PARD3B: variants seen among roughly 807,000 people sequenced by gnomAD.
The protein encoded by PARD3B is partitioning defective 3 homolog B.
PARD3B carries 103 observed loss-of-function variants against 130.2 expected under a neutral mutation model. That is an observed-to-expected ratio of 0.79 (90% CI 0.67 to 0.93). PARD3B has a LOEUF of 0.93. Among genes scored for constraint, PARD3B ranks in the 40% least tolerant of loss-of-function variants. The pLI is 0.00. For missense variants in PARD3B, 1,609 were observed against 1,499.2 expected, an observed-to-expected ratio of 1.07 and a Z score of -1.21; for synonymous variants, 583 against 553.2, an observed-to-expected ratio of 1.05 and a Z score of -0.76.
intron 1 of PARD3B, among the ~76,000 whole-genome samples, chr2:204,624,221 A>G (rs2034404106): frequency 6.6e-6 from 1 of 152,196 alleles, no homozygotes; most frequent in African/African-American, 2.4e-5. Flanking sequence ...ATATTTCTCC[A>G]AAGAAGGACC....
At chr2:204,897,906 AG>A (rs2046700370) in intron 2 of PARD3B, among the ~76,000 whole-genome samples, 1 of 151,896 alleles carries the variant, frequency 6.6e-6, no homozygotes. Context: ...AATACCTGAT[AG>A]GCCTTGGTTG....
At chr2:205,419,201 T>G (rs2046880520) in intron 19 of PARD3B, among the ~76,000 whole-genome samples, 1 of 152,078 alleles carries the variant, frequency 6.6e-6, no homozygotes, top group Non-Finnish European at 1.5e-5. Context: ...GTCTTTCCTG[T>G]GCTGTTCTCG....
intron 3 of PARD3B, among the ~76,000 whole-genome samples, chr2:205,000,359 T>C (rs1431173308): frequency 1.3e-5 from 2 of 152,222 alleles, no homozygotes; most frequent in Non-Finnish European, 2.9e-5. Flanking sequence ...CTGATATTTA[T>C]TGAGTGTGTG....
At chr2:204,746,132 TC>T (rs2040217564) in intron 2 of PARD3B, among the ~76,000 whole-genome samples, 2 of 67,686 alleles carry the variant, frequency 3.0e-5, no homozygotes, top group South Asian at 1.5e-3. Flanking sequence ...CCCTCCCCCC[TC>T]CCCCCACCCT....
chr2:205,002,569 T>C (rs2125284799), intron 3 of PARD3B, among the ~76,000 whole-genome samples: 1 of 152,314 alleles, frequency 6.6e-6, no homozygotes, highest in African/African-American at 2.4e-5. Flanking sequence ...CCACTTCTTA[T>C]CTCTGACCAC....
chr2:205,211,651 T>A (rs1234745996), intron 15 of PARD3B, among the ~76,000 whole-genome samples: 1 of 152,138 alleles, frequency 6.6e-6, no homozygotes, highest in Non-Finnish European at 1.5e-5. Context: ...CCACTTGGTT[T>A]CTAGTGTTCA....
chr2:205,494,721 A>G (rs1406995510), intron 20 of PARD3B, among the ~76,000 whole-genome samples: 1 of 152,214 alleles, frequency 6.6e-6, no homozygotes, highest in Non-Finnish European at 1.5e-5. Flanking sequence ...AACCGCAGCC[A>G]CAGAATGCCT....
rs1410163433 is a variant in PARD3B at position 205,021,014 on chromosome 2, C to T, written c.395-26567C>T. 6.6e-6 allele frequency among the ~76,000 whole-genome samples: 1 copy of T among 152,124 alleles called. No individual in the cohort carries two copies. The highest frequency in any genetic ancestry group is 1.5e-5 in the Non-Finnish European group (1 of 68,036). ...ACCAGGAAGGGACTCCCTAAGAGAC[C>T]TTGCCTCTGAGCATGTCAGCTGAAA... On this transcript the variant is annotated intron_variant, in intron 3 of 22. Transcript: ENST00000406610. This position sits in a 1 kb window ranked among gnomAD's most constrained non-coding sequence, Gnocchi z 4.5.
chr2:205,453,413 C>T (rs917489124), intron 20 of PARD3B, among the ~76,000 whole-genome samples: 1 of 152,088 alleles, frequency 6.6e-6, no homozygotes, highest in African/African-American at 2.4e-5. Context: ...GCCAGATAAT[C>T]TAAGATAAAA....
At chr2:205,541,711 A>T (rs141959056) in intron 21 of PARD3B, among the ~76,000 whole-genome samples, 363 of 152,162 alleles carry the variant, frequency 2.4e-3, no homozygotes, top group African/African-American at 7.5e-3. Flanking sequence ...GAGTACAGCC[A>T]ATCAGAGCAA....
At position 205,456,824 on chromosome 2, in the gene PARD3B, T is replaced by G. The variant is rs1041025455; in HGVS notation, c.3044+16152T>G. ...TGTAACTATTTTATATATTTTTAAT[T>G]GTATTAAATATAATCATTTAATAAA... On this transcript the variant is annotated intron_variant, in intron 20 of 22. Transcript: ENST00000406610. Among the ~76,000 whole-genome samples the G allele has an allele frequency of 2.3e-4, 34 of 149,742 alleles. 1 individual carries two copies. Among genetic ancestry groups the G allele is most frequent in the African/African-American group, 7.8e-4 (32 of 41,024 alleles).
chr2:205,156,275 G>GGA (rs1306611720), intron 10 of PARD3B, among the ~76,000 whole-genome samples: 2 of 138,594 alleles, frequency 1.4e-5, no homozygotes, highest in African/African-American at 5.3e-5. Flanking sequence ...GGTGGGCGGG[G>GGA]GGGGGAGGAA....
chr2:204,904,858 T>C (rs1228525783), intron 2 of PARD3B, among the ~76,000 whole-genome samples: 1 of 152,234 alleles, frequency 6.6e-6, no homozygotes, highest in Non-Finnish European at 1.5e-5. Flanking sequence ...GAATTTATTT[T>C]TGGTCCACAT....
chr2:205,215,173 C>T (rs2037842983), intron 15 of PARD3B, among the ~76,000 whole-genome samples: 1 of 151,422 alleles, frequency 6.6e-6, no homozygotes, highest in Non-Finnish European at 1.5e-5. Flanking sequence ...AAGCTTATTT[C>T]AATGAAAAGA....
rs185974262 is a variant in PARD3B at position 205,066,451 on chromosome 2, C to T, written c.504+18761C>T. On this transcript the variant is annotated intron_variant, in intron 4 of 22. Transcript: ENST00000406610. ...CCACAGATAATTCTTGTTATTTCTA[C>T]CTGAGTTGAAAATACAATGTGTTCA... 4.6e-5 allele frequency among the ~76,000 whole-genome samples: 7 copies of T among 152,260 alleles called. No individual in the cohort carries two copies. In the East Asian group the frequency reaches 1.4e-3, roughly 29 times the overall value.
intron 20 of PARD3B, among the ~76,000 whole-genome samples, chr2:205,465,605 G>A (rs1303186464): frequency 1.3e-5 from 2 of 152,158 alleles, no homozygotes; most frequent in African/African-American, 4.8e-5. Context: ...AGCTCTTGCC[G>A]CAATTACTGG....
At chr2:204,896,392 A>C (rs1472349731) in intron 2 of PARD3B, among the ~76,000 whole-genome samples, 2 of 152,126 alleles carry the variant, frequency 1.3e-5, no homozygotes, top group African/African-American at 4.8e-5. Flanking sequence ...TGTGAAGCTC[A>C]AGGGCTCTGG....
intron 20 of PARD3B, among the ~76,000 whole-genome samples, chr2:205,495,183 T>C (rs2049879977): frequency 6.6e-6 from 1 of 152,190 alleles, no homozygotes; most frequent in African/African-American, 2.4e-5. Context: ...AACTTTAAGC[T>C]CTGTCCAGCT....
chr2:205,485,440 T>G (rs1423762761), intron 20 of PARD3B, among the ~76,000 whole-genome samples: 1 of 152,196 alleles, frequency 6.6e-6, no homozygotes, highest in African/African-American at 2.4e-5. Flanking sequence ...CTTTTGCCAA[T>G]GATTTTATCA....
Sources: allele counts gnomAD v4.1 joint callset (sites outside exome capture counted in the v4.1 genomes callset), GRCh38; gene constraint gnomAD v4.1.1; non-coding constraint Gnocchi (gnomAD v3.1); transcripts MANE v1.5; gene names NCBI Gene and HGNC (gene_info 2026-07-23, HGNC 2026-07-21).